Variants in VWA3A observed in about 807,000 individuals in gnomAD.
The protein encoded by VWA3A is von Willebrand factor A domain-containing protein 3A.
VWA3A carries 134 observed loss-of-function variants against 160.4 expected under a neutral mutation model. That is an observed-to-expected ratio of 0.84 (90% CI 0.73 to 0.96). The LOEUF is 0.96. Among genes scored for constraint, VWA3A ranks in the 40% least tolerant of loss-of-function variants. VWA3A has a pLI of 0.00. For synonymous variants in VWA3A, 476 were observed against 543.4 expected (o/e 0.88, Z 1.72); for missense variants, 1,310 against 1,447.9 (o/e 0.90, Z 1.55).
chr16:22,125,996 C>T (rs1255136731), intron 16 of VWA3A, among the ~76,000 whole-genome samples, 182 bp from the exon 17 acceptor site: 4 of 152,104 alleles, frequency 2.6e-5, no homozygotes, highest in African/African-American at 7.2e-5. Context: ...GCTTCCATGA[C>T]CCCCTTAATC....
chr16:22,118,627 C>T (rs534273938), intron 11 of VWA3A, among the ~76,000 whole-genome samples: 93 of 151,678 alleles, frequency 6.1e-4, no homozygotes, highest in African/African-American at 2.2e-3. Flanking sequence ...CGGAGCTTGC[C>T]GTGAGCCGAT....
At position 22,146,360 on chromosome 16, in the gene VWA3A, G is replaced by T; in HGVS notation, c.2839+16G>T. 1 of 1,607,068 alleles carries T rather than the reference G, an allele frequency of 6.2e-7. No homozygotes were observed. The highest frequency in any genetic ancestry group is 1.7e-4 in the Middle Eastern group (1 of 5,900). ...CTGCTGTCCGGTGAGCCTGCCCACT[G>T]CCCTGAAGGGTGGAGGAGCATGAGG... On this transcript the variant is annotated intron_variant, in intron 27 of 33. Coordinates refer to ENST00000389398, the MANE Select transcript of VWA3A (RefSeq NM_173615.5).
intron 27 of VWA3A, chr16:22,147,730 G>A: frequency 1.4e-6 from 1 of 697,886 alleles, no homozygotes; most frequent in East Asian, 2.7e-5. Flanking sequence ...TGGGAACGGT[G>A]ACATAAAACC....
intron 27 of VWA3A, chr16:22,147,712 AT>A: frequency 2.9e-6 from 2 of 700,512 alleles, no homozygotes; most frequent in South Asian, 3.0e-5. Flanking sequence ...CTCGGTTCAC[AT>A]TACCCCTGGG....
intron 2 of VWA3A, 143 bp from the exon 3 acceptor site, chr16:22,097,429 C>G (rs774237093): frequency 2.7e-5 from 29 of 1,063,584 alleles, no homozygotes; most frequent in Admixed American, 5.9e-5. Context: ...TTTATCAGGA[C>G]TCTGCAGGAA....
chr16:22,113,285 G>T, intron 8 of VWA3A, among the ~76,000 whole-genome samples: 1 of 149,400 alleles, frequency 6.7e-6, no homozygotes, highest in Non-Finnish European at 1.5e-5. Flanking sequence ...TCTGCTTCCT[G>T]GGTTCAAGCA....
At chr16:22,150,058 T>A in intron 29 of VWA3A, 127 bp downstream of exon 29, 1 of 1,298,094 alleles carries the variant, frequency 7.7e-7, no homozygotes, top group Non-Finnish European at 1.0e-6. Flanking sequence ...CATCATTTCA[T>A]CTTCCCAACA....
In VWA3A at chr16:22,146,308, A is replaced by G; in HGVS notation, c.2803A>G (p.Arg935Gly). 1 of 1,613,576 alleles carries G rather than the reference A, an allele frequency of 6.2e-7. No individual in the cohort carries two copies. Among genetic ancestry groups the G allele is most frequent in the Non-Finnish European group, 8.5e-7 (1 of 1,179,700 alleles). ...VYIRHLEKVLRRYVQRLQWLL... is the reference protein window; with the variant it reads ...VYIRHLEKVLGRYVQRLQWLL... The stretch of plus-strand genomic sequence containing the variant: ...CATCAGGCACTTGGAGAAGGTGTTA[A>G]GGCGCTATGTCCAGAGGCTGCAGTG... Residue 935 changes from arginine (R) to glycine (G), a missense_variant, in exon 27 of 34, where the codon AGG becomes GGG. Arg to Gly is a moderately radical substitution (Grantham distance 125). Transcript: ENST00000389398.
chr16:22,147,663 G>A (rs1486509986), intron 27 of VWA3A: 1 of 702,734 alleles, frequency 1.4e-6, no homozygotes, highest in African/African-American at 1.7e-5. Context: ...CAGGTCAGAG[G>A]CTGAGCTGGG....
In VWA3A at chr16:22,133,034, C is replaced by T. The variant is rs374514834; in HGVS notation, c.2007C>T (p.Ala669=). The change falls in exon 20 of 34, where the codon GCC becomes GCT. Residue 669 remains alanine (A), a synonymous_variant. Coordinates refer to ENST00000389398, the MANE Select transcript of VWA3A (RefSeq NM_173615.5). The part of the protein sequence containing the change: ...PARYASHTDT[A]AAYKEVTRAA... ...GCTATGCCAGTCACACTGACACAGCCGCCGCCTACAAGGAGGTCACCCGGG... is the reference window on the plus strand; with the variant it reads ...GCTATGCCAGTCACACTGACACAGCTGCCGCCTACAAGGAGGTCACCCGGG... 1.1e-4 allele frequency: 175 copies of T among 1,613,758 alleles called. No individual in the cohort carries two copies. Among genetic ancestry groups the T allele is most frequent in the Non-Finnish European group, 1.3e-4 (158 of 1,179,856 alleles).
At position 22,121,559 on chromosome 16, in the gene VWA3A, C is replaced by T. The variant is rs563728401; in HGVS notation, c.1298C>T (p.Ser433Phe). The part of the protein sequence containing the change: ...LYQVLAPNAF[S>F]PVEEFVPILQ... ...CAGGTCCTGGCACCCAATGCATTCT[C>T]TCCTGTGGAGGAATTTGTACCTATT... The change falls in exon 14 of 34, where the codon TCT becomes TTT. Residue 433 changes from serine (S) to phenylalanine (F), a missense_variant. Transcript: ENST00000389398. 1 of 1,613,840 alleles carries T rather than the reference C, an allele frequency of 6.2e-7. No homozygotes were observed. The highest frequency in any genetic ancestry group is 2.2e-5 in the East Asian group (1 of 44,882).
rs920294564 is a variant in VWA3A at position 22,120,874 on chromosome 16, G to A, written c.1117-94G>A. On this transcript the variant is annotated intron_variant, in intron 12 of 33. Transcript: ENST00000389398. Reference sequence around the variant, plus strand: ...TAATCTACCAGGGAGTGTTTAAGAAGCTCCACTTGCATTGACTGGGTGGAG... The same window carrying A: ...TAATCTACCAGGGAGTGTTTAAGAAACTCCACTTGCATTGACTGGGTGGAG... 4 of 1,469,226 alleles carry A rather than the reference G, an allele frequency of 2.7e-6. No homozygotes were observed. In the Admixed American group the frequency reaches 6.2e-5, roughly 23 times the overall value. 91.0% of individuals were successfully genotyped at this position (1,469,226 alleles called of 1,614,324 possible).
chr16:22,101,140 C>T (rs1443504368), intron 5 of VWA3A, among the ~76,000 whole-genome samples: 1 of 152,006 alleles, frequency 6.6e-6, no homozygotes, highest in Non-Finnish European at 1.5e-5. Context: ...GCCTATAATC[C>T]TAGCGCTTTG....
intron 23 of VWA3A, 99 bp downstream of exon 23, chr16:22,140,343 C>T (rs2046124035): frequency 2.6e-6 from 3 of 1,164,932 alleles, no homozygotes; most frequent in Middle Eastern, 2.7e-4. Context: ...TGTGGAAGCT[C>T]GTGCCTATAA....
intron 17 of VWA3A, among the ~76,000 whole-genome samples, chr16:22,129,322 G>A (rs1210047141): frequency 6.7e-6 from 1 of 150,330 alleles, no homozygotes; most frequent in Non-Finnish European, 1.5e-5. Flanking sequence ...CTGGGAGGTG[G>A]AGCTTGCAGT....
intron 27 of VWA3A, among the ~76,000 whole-genome samples, chr16:22,147,331 G>A (rs1405006096): frequency 6.6e-6 from 1 of 152,162 alleles, no homozygotes; most frequent in Non-Finnish European, 1.5e-5. Flanking sequence ...TCTTTACAGA[G>A]AGCACCAAGT....
At chr16:22,108,203 C>T (rs1031719154) in intron 6 of VWA3A, among the ~76,000 whole-genome samples, 4 of 152,086 alleles carry the variant, frequency 2.6e-5, no homozygotes, top group Non-Finnish European at 5.9e-5. Context: ...AATTAAACAG[C>T]AGGAGGAAGA....
chr16:22,145,708 A>G (rs1466932468), intron 26 of VWA3A, among the ~76,000 whole-genome samples: 1 of 152,082 alleles, frequency 6.6e-6, no homozygotes, highest in African/African-American at 2.4e-5. Context: ...ACCAAAAAAA[A>G]AATCTTAATT....
chr16:22,095,383 AGAG>A (rs2045301201), intron 1 of VWA3A, among the ~76,000 whole-genome samples: 1 of 152,194 alleles, frequency 6.6e-6, no homozygotes, highest in Non-Finnish European at 1.5e-5. Flanking sequence ...TGTGGAACAC[AGAG>A]GAGAGCAGTG....
Sources: gnomAD v4.1 joint callset for allele counts (sites outside exome capture counted in the v4.1 genomes callset) on GRCh38, gnomAD v4.1.1 for gene constraint, MANE v1.5 for transcripts, NCBI Gene and HGNC (gene_info 2026-07-23, HGNC 2026-07-21) for gene names.